KL: variants seen among roughly 807,000 people sequenced by gnomAD.
KL encodes the protein klotho, also known as alpha-klotho.
A neutral mutation model predicts 84.2 loss-of-function variants in KL; 62 were observed. The observed-to-expected ratio is 0.74, with a 90% CI of 0.60 to 0.91. KL has a LOEUF of 0.91. Ranked by LOEUF, KL falls within the 40% of genes least tolerant of loss-of-function variation. The pLI is 0.00. For missense variants in KL, 1,261 were observed against 1,305.7 expected, an observed-to-expected ratio of 0.97 and a Z score of 0.53; for synonymous variants, 528 against 528.0, an observed-to-expected ratio of 1.00 and a Z score of 0.00.
chr13:33,019,910 G>A (rs1300506243), intron 1 of KL, among the ~76,000 whole-genome samples: 1 of 152,090 alleles, frequency 6.6e-6, no homozygotes, highest in African/African-American at 2.4e-5. Flanking sequence ...CAACTGCTCA[G>A]CCTTCACAGC....
At chr13:33,041,659 G>T (rs75169079) in intron 1 of KL, among the ~76,000 whole-genome samples, 3 of 151,918 alleles carry the variant, frequency 2.0e-5, no homozygotes, top group African/African-American at 7.3e-5. Context: ...AGCTAATAAG[G>T]GGGCAGAATT....
At chr13:33,017,328 A>T (rs1870405210) in intron 1 of KL, 69 bp downstream of exon 1, 1 of 1,386,462 alleles carries the variant, frequency 7.2e-7, no homozygotes, top group Non-Finnish European at 9.7e-7. Context: ...GCCAGGGGGA[A>T]GTGTGGGAAC....
At chr13:33,036,492 A>T (rs1280287628) in intron 1 of KL, among the ~76,000 whole-genome samples, 1 of 151,952 alleles carries the variant, frequency 6.6e-6, no homozygotes, top group African/African-American at 2.4e-5. Context: ...CATCCCAGAG[A>T]GTCTCTTCCC....
rs115220846 is a variant in KL, at chr13:33,043,621, A to G, written c.820-10146A>G. 3.9e-3 allele frequency among the ~76,000 whole-genome samples: 586 copies of G among 152,178 alleles called. 8 individuals are homozygous for G. Among genetic ancestry groups the G allele is most frequent in the African/African-American group, 0.013 (559 of 41,520 alleles). ...TAGTGTTGATGTTGAGGACATTTCT[A>G]TGTGTTTACTGAGCATTGGTGAAGA... On this transcript the variant is annotated intron_variant, in intron 1 of 4. Transcript: ENST00000380099.
At chr13:33,037,622 T>C (rs894434230) in intron 1 of KL, among the ~76,000 whole-genome samples, 1 of 152,184 alleles carries the variant, frequency 6.6e-6, no homozygotes, top group African/African-American at 2.4e-5. Context: ...TCTGGCCTTC[T>C]TCTCCTTTGA....
intron 1 of KL, among the ~76,000 whole-genome samples, chr13:33,031,611 G>T (rs1870975580): frequency 6.6e-6 from 1 of 152,114 alleles, no homozygotes; most frequent in Admixed American, 6.5e-5. Context: ...AATAAGAACA[G>T]ACATTTCGGA....
In KL at chr13:33,060,778, A is replaced by G. The variant is rs1872147481; in HGVS notation, c.1699A>G (p.Lys567Glu). 7 of 1,614,202 alleles carry G rather than the reference A, an allele frequency of 4.3e-6. No individual in the cohort carries two copies. The East Asian group carries it at 1.6e-4, about 36-fold the overall frequency. ...TAAAGTGGATGGGGTTGTGACCAAG[A>G]AGAGGAAATCCTACTGTGTTGACTT... ...LIKVDGVVTK[K>E]RKSYCVDFAA... The change falls in exon 4 of 5, where the codon AAG becomes GAG. Residue 567 changes from lysine (K) to glutamate (E), a missense_variant. Coordinates refer to ENST00000380099, the MANE Select transcript of KL (RefSeq NM_004795.4).
chr13:33,053,180 G>T (rs1871817130), intron 1 of KL, among the ~76,000 whole-genome samples: 1 of 152,120 alleles, frequency 6.6e-6, no homozygotes, highest in Non-Finnish European at 1.5e-5. Flanking sequence ...AGTTCTGGAG[G>T]GTAGGCCAAG....
At chr13:33,020,361 T>A (rs905795363) in intron 1 of KL, among the ~76,000 whole-genome samples, 3 of 152,262 alleles carry the variant, frequency 2.0e-5, no homozygotes, top group South Asian at 4.1e-4. Flanking sequence ...TTGTTCCTCC[T>A]CACCTTGCCT....
chr13:33,025,428 G>T (rs1004069958), intron 1 of KL, among the ~76,000 whole-genome samples: 1 of 152,188 alleles, frequency 6.6e-6, no homozygotes, highest in Non-Finnish European at 1.5e-5. Flanking sequence ...TACAAAAATA[G>T]GTAGTGGGCC....
intron 1 of KL, among the ~76,000 whole-genome samples, chr13:33,043,586 A>C (rs890944068): frequency 3.3e-5 from 5 of 151,840 alleles, no homozygotes; most frequent in African/African-American, 1.2e-4. Context: ...TTTAATTTGC[A>C]TTTTCCTGAT....
chr13:33,052,572 A>G (rs1871794303), intron 1 of KL, among the ~76,000 whole-genome samples: 1 of 152,224 alleles, frequency 6.6e-6, no homozygotes, highest in Non-Finnish European at 1.5e-5. Flanking sequence ...GCCACAAACT[A>G]TCTTATTTCA....
chr13:33,054,947 A>G (rs1836694084), intron 2 of KL, 100 bp from the exon 3 acceptor site: 4 of 1,461,630 alleles, frequency 2.7e-6, no homozygotes, highest in African/African-American at 2.8e-5. Context: ...GAAGCATTAC[A>G]CTTTATTTAT....
intron 1 of KL, among the ~76,000 whole-genome samples, chr13:33,039,855 A>G (rs1256237092): frequency 1.3e-5 from 2 of 152,120 alleles, no homozygotes; most frequent in Non-Finnish European, 2.9e-5. Context: ...CTGGGAAGTG[A>G]TGCTGTTTAC....
In KL at chr13:33,060,009, G is replaced by A. The variant is rs148487140; in HGVS notation, c.1600-670G>A. On this transcript the variant is annotated intron_variant, in intron 3 of 4. Coordinates refer to ENST00000380099, the MANE Select transcript of KL (RefSeq NM_004795.4). ...GACAAGATCTTGCTCTGTCACTGAG[G>A]CCGATGTACAGTGATGTGATCATGA... is the stretch of plus-strand genomic sequence containing the variant. Among the ~76,000 whole-genome samples, 235 of 152,118 alleles carry A rather than the reference G, an allele frequency of 1.5e-3. 1 individual carries two copies. The Middle Eastern group carries it at 0.041, about 26-fold the overall frequency.
chr13:33,029,386 T>C (rs1209348058), intron 1 of KL, among the ~76,000 whole-genome samples: 1 of 152,248 alleles, frequency 6.6e-6, no homozygotes, highest in African/African-American at 2.4e-5. Flanking sequence ...CAGCATTTGA[T>C]ACTTAATAAG....
In KL at chr13:33,045,039, C is replaced by CA. The variant is rs1871476357; in HGVS notation, c.820-8727dup. ...GCCTTACTGCACTGGCTAGGACCTCCAGTACAATTTTAATAGCAATGGTGA... is the reference window on the plus strand; with the variant it reads ...GCCTTACTGCACTGGCTAGGACCTCCAAGTACAATTTTAATAGCAATGGTGA... On this transcript the variant is annotated intron_variant, in intron 1 of 4. Coordinates refer to ENST00000380099, the MANE Select transcript of KL (RefSeq NM_004795.4). Among the ~76,000 whole-genome samples, 12 of 152,246 alleles carry CA rather than the reference C, an allele frequency of 7.9e-5. No homozygotes were observed. In the South Asian group the frequency reaches 2.5e-3, roughly 32 times the overall value.
chr13:33,044,656 TTTTTTTTTTTTTG>T (rs1241824742), intron 1 of KL, among the ~76,000 whole-genome samples: 1 of 120,784 alleles, frequency 8.3e-6, no homozygotes, highest in African/African-American at 3.1e-5. Context: ...TTTTTTTTTT[TTTTTTTTTTTTTG>T]AGACAGAGGC....
intron 1 of KL, among the ~76,000 whole-genome samples, chr13:33,044,841 A>G (rs1001699327): frequency 4.0e-5 from 6 of 151,644 alleles, no homozygotes; most frequent in East Asian, 3.9e-4. Context: ...TTGTATTGAC[A>G]TTGTATTCTG....
Sources: allele counts gnomAD v4.1 joint callset (sites outside exome capture counted in the v4.1 genomes callset), GRCh38; gene constraint gnomAD v4.1.1; transcripts MANE v1.5; gene names NCBI Gene and HGNC (gene_info 2026-07-23, HGNC 2026-07-21).